The following MAB21L3 variants were observed in gnomAD, a reference collection of about 807,000 sequenced individuals.
The protein encoded by MAB21L3 is mab-21 like 3.
A neutral mutation model predicts 37.7 loss-of-function variants in MAB21L3; 36 were observed. That is an observed-to-expected ratio of 0.96 (90% confidence interval 0.73 to 1.26). The LOEUF is 1.26. Ranked by LOEUF, MAB21L3 falls within the 50% of genes most tolerant of loss-of-function variation. The pLI is 0.00. For missense variants in MAB21L3, 430 were observed against 447.3 expected (o/e 0.96, Z 0.35); for synonymous variants, 186 against 176.8 (o/e 1.05, Z -0.41).
intron 3 of MAB21L3, among the ~76,000 whole-genome samples, chr1:116,119,327 C>A (rs1012104142): frequency 2.0e-5 from 3 of 152,164 alleles, no homozygotes; most frequent in African/African-American, 7.2e-5. Context: ...TGATATACAA[C>A]GTGTCTAACA....
chr1:116,122,544 GT>G (rs1472559389), intron 4 of MAB21L3, among the ~76,000 whole-genome samples: 2 of 152,138 alleles, frequency 1.3e-5, no homozygotes, highest in African/African-American at 4.8e-5. Context: ...AAATCAACAA[GT>G]TTTTGTTTGT....
chr1:116,121,174 A>C, intron 4 of MAB21L3, 102 bp downstream of exon 4: 4 of 1,141,878 alleles, frequency 3.5e-6, no homozygotes, highest in Non-Finnish European at 5.0e-6. Flanking sequence ...CAGAATACTC[A>C]TAACAATTCT....
intron 3 of MAB21L3, among the ~76,000 whole-genome samples, chr1:116,113,318 C>T (rs546457407): frequency 4.6e-5 from 7 of 152,122 alleles, no homozygotes; most frequent in South Asian, 2.1e-4. Context: ...TTTACAAGTT[C>T]GAAAGAGAAG....
At chr1:116,114,925 A>G (rs185176221) in intron 3 of MAB21L3, among the ~76,000 whole-genome samples, 5 of 152,260 alleles carry the variant, frequency 3.3e-5, no homozygotes, top group Non-Finnish European at 7.4e-5. Flanking sequence ...AAGTATAGGA[A>G]AGGTCTTCCA....
chr1:116,131,659 C>A (rs1307805543), intron 7 of MAB21L3, among the ~76,000 whole-genome samples: 1 of 152,114 alleles, frequency 6.6e-6, no homozygotes, highest in African/African-American at 2.4e-5. Context: ...GGACTACAGG[C>A]ACCCGCCACC....
intron 3 of MAB21L3, among the ~76,000 whole-genome samples, chr1:116,117,778 A>G (rs1659634477): frequency 6.6e-6 from 1 of 152,088 alleles, no homozygotes; most frequent in South Asian, 2.1e-4. Context: ...CTCCCACTCT[A>G]TAAAGAACAT....
At chr1:116,131,142 A>G (rs1660056399) in intron 7 of MAB21L3, among the ~76,000 whole-genome samples, 1 of 152,236 alleles carries the variant, frequency 6.6e-6, no homozygotes, top group African/African-American at 2.4e-5. Flanking sequence ...CTGCTCTCAT[A>G]AAGTTTATAA....
In MAB21L3 at chr1:116,127,569, C is replaced by T. The variant is rs557787019; in HGVS notation, c.585C>T (p.Thr195=). ...TGGTCCCCGCAGTGGAGATCCCCACCACCTGGTCCAAGAAAGCCCGGTGGC... is the reference window on the plus strand; with the variant it reads ...TGGTCCCCGCAGTGGAGATCCCCACTACCTGGTCCAAGAAAGCCCGGTGGC... ...LELVPAVEIP[T]TWSKKARWPR... The change falls in exon 6 of 8, where the codon ACC becomes ACT. Residue 195 remains threonine, a synonymous_variant. Transcript: ENST00000369500. 7.4e-6 allele frequency: 12 copies of T among 1,614,162 alleles called. No individual in the cohort carries two copies. The East Asian group carries it at 2.7e-4, about 36-fold the overall frequency.
At chr1:116,120,049 C>T (rs1041697817) in intron 3 of MAB21L3, among the ~76,000 whole-genome samples, 6 of 152,112 alleles carry the variant, frequency 3.9e-5, no homozygotes, top group East Asian at 1.9e-4. Flanking sequence ...TTAATATTCA[C>T]ACCATGGGCA....
At chr1:116,120,398 AT>A (rs1421769524) in intron 3 of MAB21L3, among the ~76,000 whole-genome samples, 2,197 of 93,960 alleles carry the variant, frequency 0.023, 51 homozygotes, top group African/African-American at 0.17. Context: ...TTGATATTAC[AT>A]TATACACACA....
At chr1:116,132,226 T>A (rs1251887440) in intron 7 of MAB21L3, among the ~76,000 whole-genome samples, 1 of 152,012 alleles carries the variant, frequency 6.6e-6, no homozygotes, top group Non-Finnish European at 1.5e-5. Flanking sequence ...AGCTGAGGAA[T>A]GAATGTAGAC....
intron 3 of MAB21L3, among the ~76,000 whole-genome samples, chr1:116,120,130 CT>C (rs1267515592): frequency 1.3e-5 from 2 of 152,066 alleles, no homozygotes; most frequent in Admixed American, 6.6e-5. Flanking sequence ...CTGGTCCCTG[CT>C]TTCCTTTCCA....
chr1:116,123,072 C>T (rs566960338), intron 4 of MAB21L3, among the ~76,000 whole-genome samples: 89 of 152,176 alleles, frequency 5.8e-4, no homozygotes, highest in Non-Finnish European at 1.1e-3. Context: ...CAAGAGTTAA[C>T]CAAATTCCAT....
chr1:116,129,106 A>T (rs746106814), intron 7 of MAB21L3, among the ~76,000 whole-genome samples: 2 of 152,206 alleles, frequency 1.3e-5, no homozygotes, highest in African/African-American at 2.4e-5. Context: ...CTGGTCTAGC[A>T]TGGGAGATAG....
intron 3 of MAB21L3, among the ~76,000 whole-genome samples, chr1:116,117,656 T>G (rs1346530209): frequency 1.3e-5 from 2 of 152,172 alleles, no homozygotes; most frequent in Non-Finnish European, 2.9e-5. Flanking sequence ...TGACACTGTC[T>G]GGTTATCTTT....
rs1221758048 is a variant in MAB21L3, at chr1:116,112,544, A to G, written c.-72A>G. On this transcript the variant is annotated 5_prime_UTR_variant, in exon 3 of 8. Coordinates refer to ENST00000369500, the MANE Select transcript of MAB21L3 (RefSeq NM_152367.3). ...TTACTGGGAGTGCTATCTACTCACA[A>G]GTGTTGCACTCCATTGAGAAAAAAA... The G allele has an allele frequency of 7.9e-6, 11 of 1,385,714 alleles. No homozygotes were observed. The East Asian group carries it at 2.5e-4, about 32-fold the overall frequency. The allele number at this position is 1,385,714 out of a possible 1,614,324, so 85.8% of individuals were successfully genotyped here.
chr1:116,121,090 T>G lies in MAB21L3; in HGVS notation c.189+18T>G, dbSNP rs1659736729. On this transcript the variant is annotated intron_variant, in intron 4 of 7. Coordinates refer to ENST00000369500, the MANE Select transcript of MAB21L3 (RefSeq NM_152367.3). ...ATATTAAGGTAAGCAAGTCTTGCTG[T>G]CTCTAAGTGCCACCAACAGAGCCAG... is the stretch of plus-strand genomic sequence containing the variant. 6.2e-7 allele frequency: 1 copy of G among 1,608,426 alleles called. No individual in the cohort carries two copies. Among genetic ancestry groups the G allele is most frequent in the South Asian group, 1.1e-5 (1 of 90,178 alleles).
At position 116,128,316 on chromosome 1, in the gene MAB21L3, G is replaced by C; in HGVS notation, c.832G>C (p.Val278Leu). The change falls in exon 7 of 8, where the codon GTT (valine) becomes CTT (leucine). Residue 278 changes from valine to leucine, a missense_variant. By Grantham distance (32) the Val-to-Leu change is conservative. Coordinates refer to ENST00000369500, the MANE Select transcript of MAB21L3 (RefSeq NM_152367.3). ...EDIWCPGNRP[V>L]ITSHHLQTVL... is the part of the protein sequence containing the mutation. ...CATCTGGTGCCCAGGGAACAGGCCG[G>C]TTATCACGTCCCACCATCTGCAGGT... 2 of 1,612,878 alleles carry C rather than the reference G, an allele frequency of 1.2e-6. No homozygotes were observed. The highest frequency in any genetic ancestry group is 8.5e-7 in the Non-Finnish European group (1 of 1,179,724).
At chr1:116,117,722 C>A (rs1659631840) in intron 3 of MAB21L3, among the ~76,000 whole-genome samples, 1 of 152,170 alleles carries the variant, frequency 6.6e-6, no homozygotes, top group Non-Finnish European at 1.5e-5. Flanking sequence ...AGCAGTCTAT[C>A]GCCTGAAATC....
Sources: gnomAD v4.1 joint callset for allele counts (sites outside exome capture counted in the v4.1 genomes callset) on GRCh38, gnomAD v4.1.1 for gene constraint, MANE v1.5 for transcripts, NCBI Gene and HGNC (gene_info 2026-07-23, HGNC 2026-07-21) for gene names.